TMEFF2: variants seen among roughly 807,000 people sequenced by gnomAD.
The protein encoded by TMEFF2 is tomoregulin-2.
A neutral mutation model predicts 53.8 loss-of-function variants in TMEFF2; 28 were observed. The ratio of observed to expected loss-of-function variants is 0.52; its 90% CI spans 0.39 to 0.71. The LOEUF is 0.71. Among genes scored for constraint, TMEFF2 ranks in the 30% least tolerant of loss-of-function variants. The probability of loss-of-function intolerance (pLI) is 0.00; values close to 1 mark genes in which losing one functional copy is unlikely to be tolerated. For synonymous variants in TMEFF2, 162 were observed against 166.3 expected (o/e 0.97, Z 0.20); for missense variants, 353 against 455.2 (o/e 0.78, Z 2.04).
intron 5 of TMEFF2, among the ~76,000 whole-genome samples, chr2:192,025,025 A>C (rs1428600805): frequency 6.6e-6 from 1 of 152,178 alleles, no homozygotes; most frequent in Non-Finnish European, 1.5e-5. Context: ...CCTATTATAA[A>C]GGAAATAGAC....
chr2:192,115,635 G>A lies in TMEFF2; in HGVS notation c.440-57860C>T, dbSNP rs372219330. ...ATATAAGGAACTCTACAACTCAATA[G>A]CAAAAATCAAAAACAAACCCCCCAA... is the stretch of plus-strand genomic sequence containing the variant. On this transcript the variant is annotated intron_variant, in intron 4 of 9. Coordinates refer to ENST00000272771, the MANE Select transcript of TMEFF2 (RefSeq NM_016192.4). 1.4e-4 allele frequency among the ~76,000 whole-genome samples: 22 copies of A among 151,856 alleles called. No homozygotes were observed. The East Asian group carries it at 4.3e-3, about 29-fold the overall frequency.
At chr2:192,083,800 G>A (rs1174985042) in intron 4 of TMEFF2, among the ~76,000 whole-genome samples, 1 of 151,472 alleles carries the variant, frequency 6.6e-6, no homozygotes, top group Admixed American at 6.6e-5. Flanking sequence ...CATATGAAAT[G>A]TCTGTCTCCA....
intron 5 of TMEFF2, among the ~76,000 whole-genome samples, chr2:192,015,825 T>C (rs1212567041): frequency 6.6e-6 from 1 of 152,180 alleles, no homozygotes; most frequent in Non-Finnish European, 1.5e-5. Flanking sequence ...CTTTGAAGCA[T>C]AATGCCAGTG....
chr2:192,188,223 G>C (rs1691363305), intron 2 of TMEFF2, among the ~76,000 whole-genome samples: 1 of 152,274 alleles, frequency 6.6e-6, no homozygotes, highest in East Asian at 1.9e-4. Flanking sequence ...ACAGGCCTGT[G>C]ACTATGGTGG....
intron 4 of TMEFF2, among the ~76,000 whole-genome samples, chr2:192,161,464 G>A (rs966710670): frequency 3.9e-5 from 6 of 152,134 alleles, no homozygotes; most frequent in Non-Finnish European, 7.4e-5. Context: ...AAACAGCATA[G>A]TAGTTTGCAA....
intron 4 of TMEFF2, among the ~76,000 whole-genome samples, chr2:192,160,862 C>T (rs1471639185): frequency 6.6e-6 from 1 of 152,090 alleles, no homozygotes; most frequent in Non-Finnish European, 1.5e-5. Context: ...AGCAGTAATG[C>T]TGACAGAGAA....
At chr2:192,029,691 T>A (rs988795202) in intron 5 of TMEFF2, among the ~76,000 whole-genome samples, 15 of 152,244 alleles carry the variant, frequency 9.9e-5, no homozygotes, top group African/African-American at 3.4e-4. Flanking sequence ...ATTTATGCAT[T>A]CTATACATAT....
chr2:192,174,462 C>T (rs1690988321), intron 4 of TMEFF2, among the ~76,000 whole-genome samples: 2 of 151,608 alleles, frequency 1.3e-5, no homozygotes, highest in African/African-American at 2.4e-5. Context: ...TTATCCATTA[C>T]ATGGTCCTCA....
intron 2 of TMEFF2, among the ~76,000 whole-genome samples, chr2:192,188,989 G>T (rs1044469745): frequency 6.6e-6 from 1 of 152,002 alleles, no homozygotes; most frequent in African/African-American, 2.4e-5. Context: ...GTTTACATAT[G>T]TAATAAACCT....
chr2:192,060,539 A>G (rs1688018942), intron 4 of TMEFF2, among the ~76,000 whole-genome samples: 1 of 152,200 alleles, frequency 6.6e-6, no homozygotes, highest in Non-Finnish European at 1.5e-5. Context: ...GTTTTATTTT[A>G]TAACACAGCT....
chr2:192,171,503 G>A (rs527530274), intron 4 of TMEFF2, among the ~76,000 whole-genome samples: 7 of 151,938 alleles, frequency 4.6e-5, no homozygotes, highest in Admixed American at 2.0e-4. Flanking sequence ...ATGGCTCCCT[G>A]CTCACCCAGA....
chr2:192,124,571 G>A (rs1467827021), intron 4 of TMEFF2, among the ~76,000 whole-genome samples: 2 of 152,170 alleles, frequency 1.3e-5, no homozygotes, highest in African/African-American at 4.8e-5. Context: ...CTATACAGTT[G>A]TGAAACTGCC....
intron 7 of TMEFF2, among the ~76,000 whole-genome samples, chr2:191,988,055 T>C (rs1304140920): frequency 6.6e-6 from 1 of 152,200 alleles, no homozygotes; most frequent in Non-Finnish European, 1.5e-5. Context: ...AGCTCGGAAG[T>C]ATGTTAAGCT....
chr2:191,950,204 A>C lies in TMEFF2; in HGVS notation c.*107T>G. The C allele has an allele frequency of 1.9e-6, 3 of 1,542,406 alleles. No individual in the cohort carries two copies. The highest frequency in any genetic ancestry group is 2.6e-6 in the Non-Finnish European group (3 of 1,147,640). On this transcript the variant is annotated 3_prime_UTR_variant, in exon 10 of 10. Transcript: ENST00000272771. ...TGTTTTCATTGGTGTAGATTACCAC[A>C]AATGCAAGGCAACATGTGTAGATCT...
chr2:192,188,077 T>C (rs1691358818), intron 2 of TMEFF2, among the ~76,000 whole-genome samples: 1 of 152,232 alleles, frequency 6.6e-6, no homozygotes, highest in Admixed American at 6.5e-5. Flanking sequence ...GGATATGGTA[T>C]ATTTTTCTTC....
At chr2:192,114,918 A>T (rs1016347117) in intron 4 of TMEFF2, among the ~76,000 whole-genome samples, 8 of 152,022 alleles carry the variant, frequency 5.3e-5, no homozygotes, top group South Asian at 2.1e-4. Flanking sequence ...TGTGATAAAC[A>T]TCAAACAATG....
At chr2:192,171,611 C>G (rs1001390432) in intron 4 of TMEFF2, among the ~76,000 whole-genome samples, 3 of 151,968 alleles carry the variant, frequency 2.0e-5, no homozygotes, top group African/African-American at 7.2e-5. Context: ...AACTAACATC[C>G]TTGATGTTCT....
At chr2:192,119,828 C>T (rs1370778958) in intron 4 of TMEFF2, among the ~76,000 whole-genome samples, 1 of 152,106 alleles carries the variant, frequency 6.6e-6, no homozygotes, top group African/African-American at 2.4e-5. Context: ...GTGTTGTATG[C>T]CTTCAATCGT....
intron 4 of TMEFF2, among the ~76,000 whole-genome samples, chr2:192,108,103 A>T (rs1689193548): frequency 6.6e-6 from 1 of 151,828 alleles, no homozygotes. Flanking sequence ...TATCTTACCT[A>T]GTTCAAACAG....
Sources: allele counts gnomAD v4.1 joint callset (sites outside exome capture counted in the v4.1 genomes callset), GRCh38; gene constraint gnomAD v4.1.1; transcripts MANE v1.5; gene names NCBI Gene and HGNC (gene_info 2026-07-23, HGNC 2026-07-21).